The following COL6A2 variants were observed in gnomAD, a reference collection of about 807,000 sequenced individuals.
COL6A2 encodes collagen type VI alpha 2 chain.
Under a neutral mutation model 124.9 loss-of-function variants are expected in COL6A2, and 90 were observed. The ratio of observed to expected loss-of-function variants is 0.72; its 90% CI spans 0.61 to 0.86. The LOEUF is 0.86. Ranked by LOEUF, COL6A2 falls within the 40% of genes least tolerant of loss-of-function variation. COL6A2 has a pLI of 0.00. For synonymous variants in COL6A2, 793 were observed against 618.2 expected (o/e 1.28, Z -4.19); for missense variants, 1,607 against 1,502.5 (o/e 1.07, Z -1.15).
intron 1 of COL6A2, among the ~76,000 whole-genome samples, chr21:46,105,164 G>T (rs1343054399): frequency 6.6e-6 from 1 of 152,136 alleles, no homozygotes; most frequent in Non-Finnish European, 1.5e-5. Flanking sequence ...GATAACTTGA[G>T]CCCAGGAGTT....
Position 46,132,657 on chromosome 21 carries a change from C to G in COL6A2, c.*105C>G, listed in dbSNP as rs538537601. 29 of 1,169,814 alleles carry G rather than the reference C, an allele frequency of 2.5e-5. No individual in the cohort carries two copies. The East Asian group carries it at 6.2e-4, about 25-fold the overall frequency. The allele number at this position is 1,169,814 out of a possible 1,614,324, so 72.5% of individuals were successfully genotyped here. A position where few individuals can be genotyped will look rare whatever the true frequency, so the allele number is the denominator to read the frequency against. ...CCAGCACCGCTGCTCACTCGGACGA[C>G]GCCCTGGGCCTGCACCTCTCCAGCT... On this transcript the variant is annotated 3_prime_UTR_variant, in exon 28 of 28. Coordinates refer to ENST00000300527, the MANE Select transcript of COL6A2 (RefSeq NM_001849.4).
chr21:46,121,063 A>G lies in COL6A2; in HGVS notation c.1398A>G (p.Gly466=), dbSNP rs758072176. ...CAAATTCCTCCCCTTTCTTCCAGGG[A>G]GACCGAGGCTTGCCTGGACCCAGAG... ...AGEVGNKGAK[G]DRGLPGPRGP... Residue 466 remains glycine (G), a splice_region_variant and synonymous_variant, in exon 17 of 28, where the codon GGA becomes GGG. Coordinates refer to ENST00000300527, the MANE Select transcript of COL6A2 (RefSeq NM_001849.4). 4 of 1,612,720 alleles carry G rather than the reference A, an allele frequency of 2.5e-6. No homozygotes were observed. In the South Asian group the frequency reaches 4.4e-5, roughly 18 times the overall value.
intron 15 of COL6A2, 33 bp from the exon 16 acceptor site, chr21:46,120,482 G>C: frequency 6.5e-7 from 1 of 1,528,056 alleles, no homozygotes; most frequent in African/African-American, 1.4e-5. Context: ...GGCCTCAGCT[G>C]AGACCCGTGG....
intron 21 of COL6A2, 128 bp downstream of exon 21, chr21:46,123,065 C>T: frequency 1.1e-6 from 1 of 915,906 alleles, no homozygotes; most frequent in Non-Finnish European, 1.8e-6. Context: ...AGCACCACCC[C>T]CACCTTCCTA....
At chr21:46,106,527 T>G (rs2078336737) in intron 1 of COL6A2, among the ~76,000 whole-genome samples, 1 of 152,236 alleles carries the variant, frequency 6.6e-6, no homozygotes, top group African/African-American at 2.4e-5. Context: ...ACACAATTAT[T>G]ATAGATTTTT....
intron 21 of COL6A2, among the ~76,000 whole-genome samples, chr21:46,123,370 G>A (rs1187940592): frequency 6.6e-6 from 1 of 151,412 alleles, no homozygotes; most frequent in Non-Finnish European, 1.5e-5. Flanking sequence ...TTCCCCAAGG[G>A]TTCCCTCCCC....
intron 1 of COL6A2, among the ~76,000 whole-genome samples, chr21:46,098,598 C>G (rs2078252399): frequency 6.6e-6 from 1 of 151,560 alleles, no homozygotes; most frequent in African/African-American, 2.4e-5. Context: ...CCCCGGCTGG[C>G]TGGGACCTCC....
Position 46,106,229 on chromosome 21 carries a change from A to G in COL6A2, c.-27-5221A>G, listed in dbSNP as rs189645119. On this transcript the variant is annotated intron_variant, in intron 1 of 27. Coordinates refer to ENST00000300527, the MANE Select transcript of COL6A2 (RefSeq NM_001849.4). ...CTAATAACAGTCCATCAAAATATTTATATCTTACACTGGGAAGATTGTTGC... is the reference window on the plus strand; with the variant it reads ...CTAATAACAGTCCATCAAAATATTTGTATCTTACACTGGGAAGATTGTTGC... Among the ~76,000 whole-genome samples, 4 of 152,394 alleles carry G rather than the reference A, an allele frequency of 2.6e-5. No homozygotes were observed. The East Asian group carries it at 7.7e-4, about 29-fold the overall frequency.
At chr21:46,131,859 C>T in intron 27 of COL6A2, 95 bp from the exon 28 acceptor site, 2 of 1,180,454 alleles carry the variant, frequency 1.7e-6, no homozygotes, top group Non-Finnish European at 1.2e-6. Context: ...AGGTTGCAGG[C>T]AGGGTGCGAA....
rs1407910063 is a variant in COL6A2 at position 46,132,722 on chromosome 21, C to G, written c.*170C>G. 1.5e-6 allele frequency: 1 copy of G among 669,510 alleles called. No homozygotes were observed. Among genetic ancestry groups the G allele is most frequent in the Admixed American group, 2.6e-5 (1 of 38,428 alleles). The allele number at this position is 669,510 out of a possible 1,614,324, so 41.5% of individuals were successfully genotyped here. ...CCCGTAGCCCCGGCCCCCGCCCAGC[C>G]CCAGGTCTCCCCAGGCCCTCCGCAG... On this transcript the variant is annotated 3_prime_UTR_variant, in exon 28 of 28. Transcript: ENST00000300527.
chr21:46,124,910 CCGGTCTCA>C lies in COL6A2; in HGVS notation c.1765_1770+2del. ...GGTGAGCCCGGCCCCCCTGGAGACC[CCGGTCTCA>C]CGGTAGGTGTCACATGGGGCAGAAC... On this transcript the variant is annotated frameshift_variant and splice_region_variant, in exon 23 of 28. Transcript: ENST00000300527. LOFTEE classifies it high-confidence loss of function. The C allele has an allele frequency of 6.2e-7, 1 of 1,612,936 alleles. No homozygotes were observed. The highest frequency in any genetic ancestry group is 1.3e-5 in the African/African-American group (1 of 75,060).
intron 27 of COL6A2, among the ~76,000 whole-genome samples, 173 bp from the exon 28 acceptor site, chr21:46,131,781 T>G (rs1272109607): frequency 6.6e-6 from 1 of 152,038 alleles, no homozygotes; most frequent in African/African-American, 2.4e-5. Context: ...CCTGAAAGTG[T>G]CTTGGGCTAA....
chr21:46,126,350 T>C (rs2078667714), intron 26 of COL6A2, 113 bp downstream of exon 26: 5 of 1,503,636 alleles, frequency 3.3e-6, no homozygotes, highest in Non-Finnish European at 4.6e-6. Context: ...GCCCAGGATC[T>C]TGGGCTGTGG....
chr21:46,128,292 C>T (rs2078704649), intron 27 of COL6A2, among the ~76,000 whole-genome samples: 1 of 152,232 alleles, frequency 6.6e-6, no homozygotes, highest in South Asian at 2.1e-4. Flanking sequence ...CTCCCCTCCT[C>T]TCGGCCGCCC....
rs2123646541 is a variant in COL6A2 at position 46,121,539 on chromosome 21, T to C, written c.1459-17T>C. 6.2e-7 allele frequency: 1 copy of C among 1,612,562 alleles called. No homozygotes were observed. On this transcript the variant is annotated splice_polypyrimidine_tract_variant and intron_variant, in intron 17 of 27. Transcript: ENST00000300527. ...TCCCTGCCTGTGCTGACTTCTGAATTTCTCTCCTGCCCTCAGGGATCTCGG... is the reference window on the plus strand; with the variant it reads ...TCCCTGCCTGTGCTGACTTCTGAATCTCTCTCCTGCCCTCAGGGATCTCGG...
chr21:46,103,750 G>C (rs960044132), intron 1 of COL6A2, among the ~76,000 whole-genome samples: 1 of 152,152 alleles, frequency 6.6e-6, no homozygotes, highest in South Asian at 2.1e-4. Flanking sequence ...GGTCTGAAAA[G>C]ATATCTTGTA....
At position 46,122,788 on chromosome 21, in the gene COL6A2, G is replaced by A. The variant is rs531795999; in HGVS notation, c.1609-87G>A. On this transcript the variant is annotated intron_variant, in intron 20 of 27. Coordinates refer to ENST00000300527, the MANE Select transcript of COL6A2 (RefSeq NM_001849.4). ...CCGTTTAAAGGACCCCAAAATGCCA[G>A]ATCGATTTTTCCACATAAAAATCTC... 2.3e-5 allele frequency: 32 copies of A among 1,381,624 alleles called. No homozygotes were observed. In the South Asian group the frequency reaches 3.1e-4, roughly 14 times the overall value. 85.6% of individuals were successfully genotyped at this position (1,381,624 alleles called of 1,614,324 possible). A position where few individuals can be genotyped will look rare whatever the true frequency, so the allele number is the denominator to read the frequency against.
chr21:46,109,052 G>A (rs1187929075), intron 1 of COL6A2, among the ~76,000 whole-genome samples: 2 of 152,124 alleles, frequency 1.3e-5, no homozygotes, highest in African/African-American at 2.4e-5. Flanking sequence ...CAGAGAGAAG[G>A]CCCTGGAGTG....
chr21:46,100,672 C>T (rs1381227065), intron 1 of COL6A2, among the ~76,000 whole-genome samples: 1 of 126,072 alleles, frequency 7.9e-6, no homozygotes, highest in Non-Finnish European at 1.8e-5. Context: ...TTGTGACTGG[C>T]TTATTTCACG....
Sources: allele counts gnomAD v4.1 joint callset (sites outside exome capture counted in the v4.1 genomes callset), GRCh38; gene constraint gnomAD v4.1.1; transcripts MANE v1.5; gene names NCBI Gene and HGNC (gene_info 2026-07-23, HGNC 2026-07-21).